Variants in CACNB2 observed in about 807,000 individuals in gnomAD.
CACNB2 encodes the protein calcium voltage-gated channel auxiliary subunit beta 2.
Under a neutral mutation model 73.3 loss-of-function variants are expected in CACNB2, and 42 were observed. The observed-to-expected ratio is 0.57, with a 90% CI of 0.45 to 0.74. The LOEUF (loss-of-function observed/expected upper bound fraction) is 0.74, where lower values mean the gene tolerates loss of function less well. CACNB2 is among the 30% of genes least tolerant of loss of function. The pLI is 0.00. For synonymous variants in CACNB2, 348 were observed against 310.3 expected (o/e 1.12, Z -1.28); for missense variants, 940 against 853.0 (o/e 1.10, Z -1.27).
chr10:18,260,103 A>G (rs998867995), intron 2 of CACNB2, among the ~76,000 whole-genome samples: 3 of 152,168 alleles, frequency 2.0e-5, no homozygotes, highest in Admixed American at 2.0e-4. Flanking sequence ...CACTAAAGAT[A>G]TTGCGTATTA....
chr10:18,452,403 G>C lies in CACNB2; in HGVS notation c.334-45952G>C, dbSNP rs889433224. Among the ~76,000 whole-genome samples, 5 of 152,280 alleles carry C rather than the reference G, an allele frequency of 3.3e-5. No homozygotes were observed. In the East Asian group the frequency reaches 5.8e-4, roughly 18 times the overall value. The stretch of plus-strand genomic sequence containing the variant: ...TGATGGTACCACTGCACTCCAGTCT[G>C]AGTGGCAGAGAAACACTGTGTCTCA... On this transcript the variant is annotated intron_variant, in intron 3 of 13. Transcript: ENST00000324631.
chr10:18,199,170 C>G (rs1009692688), intron 2 of CACNB2, among the ~76,000 whole-genome samples: 1 of 152,026 alleles, frequency 6.6e-6, no homozygotes, highest in Non-Finnish European at 1.5e-5. Context: ...GAAAATTAGT[C>G]TAAAGTAAAT....
intron 3 of CACNB2, among the ~76,000 whole-genome samples, chr10:18,471,811 C>T (rs991036842): frequency 2.0e-5 from 3 of 152,104 alleles, no homozygotes; most frequent in South Asian, 2.1e-4. Flanking sequence ...AAGAAGAAAT[C>T]GCTAGGTAGG....
intron 2 of CACNB2, among the ~76,000 whole-genome samples, chr10:18,314,943 CT>C (rs2040103842): frequency 6.6e-6 from 1 of 152,122 alleles, no homozygotes; most frequent in South Asian, 2.1e-4. Flanking sequence ...TGTTTCATTT[CT>C]TTTTTTAAAA....
At chr10:18,393,586 G>A (rs2043582406) in intron 2 of CACNB2, among the ~76,000 whole-genome samples, 1 of 152,160 alleles carries the variant, frequency 6.6e-6, no homozygotes, top group African/African-American at 2.4e-5. Context: ...CTTCAGTACT[G>A]AAAACCAGCA....
chr10:18,251,255 C>CT (rs981387888), intron 2 of CACNB2, among the ~76,000 whole-genome samples: 7 of 143,054 alleles, frequency 4.9e-5, no homozygotes, highest in Admixed American at 1.4e-4. Context: ...TTTTTTTTTT[C>CT]TTTTTTTGAG....
At chr10:18,330,855 G>A (rs2040771532) in intron 2 of CACNB2, among the ~76,000 whole-genome samples, 1 of 151,858 alleles carries the variant, frequency 6.6e-6, no homozygotes, top group African/African-American at 2.4e-5. Flanking sequence ...TTTTAGTGGT[G>A]ATGGGGTTTC....
rs570316283 is a variant in CACNB2 at position 18,481,808 on chromosome 10, T to C, written c.334-16547T>C. Among the ~76,000 whole-genome samples, 5 of 152,352 alleles carry C rather than the reference T, an allele frequency of 3.3e-5. No homozygotes were observed. In the South Asian group the frequency reaches 8.3e-4, roughly 25 times the overall value. ...GTTGTCTTGTTGATTAAATAAGCTATATCATCTTTTAAGTGGCTACAGATA... is the reference window on the plus strand; with the variant it reads ...GTTGTCTTGTTGATTAAATAAGCTACATCATCTTTTAAGTGGCTACAGATA... On this transcript the variant is annotated intron_variant, in intron 3 of 13. Coordinates refer to ENST00000324631, the MANE Select transcript of CACNB2 (RefSeq NM_201596.3).
chr10:18,192,907 C>T (rs1406557249), intron 2 of CACNB2, among the ~76,000 whole-genome samples: 1 of 152,116 alleles, frequency 6.6e-6, no homozygotes, highest in African/African-American at 2.4e-5. Flanking sequence ...TGGACATGGG[C>T]TGTTTTTGCC....
intron 2 of CACNB2, among the ~76,000 whole-genome samples, chr10:18,283,552 G>C (rs550880208): frequency 5.7e-4 from 87 of 151,956 alleles, no homozygotes; most frequent in African/African-American, 2.0e-3. Flanking sequence ...CCATCATTCT[G>C]AGCAAACTAT....
In CACNB2 at chr10:18,386,399, AT is replaced by A. The variant is rs10637329; in HGVS notation, c.214-15504del. 5.4e-3 allele frequency among the ~76,000 whole-genome samples: 575 copies of A among 106,504 alleles called. 2 individuals are homozygous for A. Among genetic ancestry groups the A allele is most frequent in the African/African-American group, 9.2e-3 (253 of 27,638 alleles). The allele number at this position is 106,504 out of a possible 152,430, so 69.9% of individuals were successfully genotyped here. On this transcript the variant is annotated intron_variant, in intron 2 of 13. Coordinates refer to ENST00000324631, the MANE Select transcript of CACNB2 (RefSeq NM_201596.3). ...CTTTACTGTTGCTCTTTTATTTATG[AT>A]TTTTTTTTTTTTTTTTTTTTGAGAC...
chr10:18,311,073 C>T (rs2039946534), intron 2 of CACNB2, among the ~76,000 whole-genome samples: 1 of 152,024 alleles, frequency 6.6e-6, no homozygotes, highest in South Asian at 2.1e-4. Context: ...GCAATAATCT[C>T]TTGACTCTCT....
intron 2 of CACNB2, among the ~76,000 whole-genome samples, chr10:18,290,697 C>G (rs2039028357): frequency 6.6e-6 from 1 of 152,204 alleles, no homozygotes; most frequent in Non-Finnish European, 1.5e-5. Flanking sequence ...CCAGCAGAAC[C>G]TTCCAGAATG....
At chr10:18,532,676 CAAAAAAAA>C (rs1219587375) in intron 10 of CACNB2, among the ~76,000 whole-genome samples, 47,126 of 93,378 alleles carry the variant, frequency 0.5, 9,159 homozygotes, top group East Asian at 0.74. Context: ...GACTCTGTCT[CAAAAAAAA>C]AAAAAAAAAA....
At chr10:18,532,676 C>CAAAAAAAAAAA (rs1219587375) in intron 10 of CACNB2, among the ~76,000 whole-genome samples, 59 of 92,518 alleles carry the variant, frequency 6.4e-4, no homozygotes, top group Non-Finnish European at 9.5e-4. Flanking sequence ...GACTCTGTCT[C>CAAAAAAAAAAA]AAAAAAAAAA....
chr10:18,474,052 G>A (rs1206323581), intron 3 of CACNB2, among the ~76,000 whole-genome samples: 2 of 152,230 alleles, frequency 1.3e-5, no homozygotes, highest in Non-Finnish European at 2.9e-5. Flanking sequence ...TAGTTAAGAT[G>A]ATGGAACATG....
chr10:18,225,624 C>T (rs1047426913), intron 2 of CACNB2, among the ~76,000 whole-genome samples: 1 of 137,034 alleles, frequency 7.3e-6, no homozygotes, highest in Admixed American at 7.6e-5. Context: ...TTTCTTCCTT[C>T]CTTCCTTTCT....
chr10:18,264,080 C>T (rs911343174), intron 2 of CACNB2, among the ~76,000 whole-genome samples: 1 of 152,226 alleles, frequency 6.6e-6, no homozygotes, highest in Non-Finnish European at 1.5e-5. Flanking sequence ...ACATGGTAAG[C>T]TCTGTGTGCA....
intron 2 of CACNB2, among the ~76,000 whole-genome samples, chr10:18,311,178 A>G (rs749225519): frequency 1.3e-5 from 2 of 151,710 alleles, no homozygotes; most frequent in African/African-American, 2.4e-5. Context: ...CTTATTTTGG[A>G]CCTTTTAGGC....
Sources: allele counts gnomAD v4.1 joint callset (sites outside exome capture counted in the v4.1 genomes callset), GRCh38; gene constraint gnomAD v4.1.1; transcripts MANE v1.5; gene names NCBI Gene and HGNC (gene_info 2026-07-23, HGNC 2026-07-21).